SV2C: variants seen among roughly 807,000 people sequenced by gnomAD.
SV2C encodes synaptic vesicle glycoprotein 2C.
In SV2C, 49 loss-of-function variants were observed where a neutral mutation model predicts 79.7. The observed-to-expected ratio is 0.61, with a 90% confidence interval of 0.49 to 0.78. SV2C has a LOEUF of 0.78. SV2C is among the 30% of genes least tolerant of loss of function. The probability of loss-of-function intolerance (pLI) is 0.00; values close to 1 mark genes in which losing one functional copy is unlikely to be tolerated. For synonymous variants in SV2C, 334 were observed against 333.2 expected, an observed-to-expected ratio of 1.00 and a Z score of -0.03; for missense variants, 833 against 912.9, an observed-to-expected ratio of 0.91 and a Z score of 1.13.
the SV2C span, among the ~76,000 whole-genome samples, chr5:75,860,349 T>C: frequency 6.6e-6 from 1 of 152,178 alleles, no homozygotes; most frequent in African/African-American, 2.4e-5. Context: ...GTTTTTGCCA[T>C]TACTTTAAAA....
At chr5:76,056,813 C>T in the SV2C span, among the ~76,000 whole-genome samples, 12 of 151,700 alleles carry the variant, frequency 7.9e-5, no homozygotes, top group African/African-American at 2.9e-4. Flanking sequence ...TTATAATATT[C>T]TCTGATGGAA....
At chr5:75,892,021 T>C in the SV2C span, among the ~76,000 whole-genome samples, 5 of 152,088 alleles carry the variant, frequency 3.3e-5, no homozygotes, top group Non-Finnish European at 7.4e-5. Context: ...CCCAGGTTCC[T>C]AAACTTTGAT....
At chr5:75,986,385 A>C in the SV2C span, among the ~76,000 whole-genome samples, 1 of 151,722 alleles carries the variant, frequency 6.6e-6, no homozygotes, top group Non-Finnish European at 1.5e-5. Flanking sequence ...CTGAGAAGAG[A>C]AAGGGTCTAC....
At chr5:76,041,201 G>A in the SV2C span, among the ~76,000 whole-genome samples, 1 of 152,156 alleles carries the variant, frequency 6.6e-6, no homozygotes, top group Non-Finnish European at 1.5e-5. Flanking sequence ...GCTAACCAAC[G>A]ATAGATAAAA....
the SV2C span, among the ~76,000 whole-genome samples, chr5:75,959,851 CA>C: frequency 6.6e-6 from 1 of 151,970 alleles, no homozygotes; most frequent in Non-Finnish European, 1.5e-5. Context: ...GTCCTATTCA[CA>C]AAGAAATGAG....
the SV2C span, among the ~76,000 whole-genome samples, chr5:75,914,953 G>A: frequency 2.0e-5 from 3 of 152,156 alleles, no homozygotes; most frequent in African/African-American, 7.2e-5. Context: ...AAGGTGAAAG[G>A]CACATCTCAT....
the SV2C span, among the ~76,000 whole-genome samples, chr5:76,012,722 G>T: frequency 6.6e-6 from 1 of 152,110 alleles, no homozygotes; most frequent in Admixed American, 6.6e-5. Flanking sequence ...TTTCTTCGGG[G>T]TTTTTACTGT....
the SV2C span, among the ~76,000 whole-genome samples, chr5:76,035,418 T>C: frequency 6.6e-6 from 1 of 152,170 alleles, no homozygotes; most frequent in Non-Finnish European, 1.5e-5. Flanking sequence ...CACACTGTTT[T>C]GAATGTGTCC....
the SV2C span, among the ~76,000 whole-genome samples, chr5:75,988,223 A>G: frequency 1.3e-5 from 2 of 151,964 alleles, no homozygotes; most frequent in East Asian, 1.9e-4. Context: ...TTTCATGTCA[A>G]TAAATATAAT....
At chr5:75,914,082 G>T in the SV2C span, among the ~76,000 whole-genome samples, 1 of 152,086 alleles carries the variant, frequency 6.6e-6, no homozygotes, top group South Asian at 2.1e-4. Flanking sequence ...GGCTAATCAT[G>T]GCTCTGCATC....
the SV2C span, among the ~76,000 whole-genome samples, chr5:75,984,567 A>ATATATATCTATCTATCTATC: frequency 9.7e-6 from 1 of 102,826 alleles, no homozygotes; most frequent in African/African-American, 2.9e-5. Flanking sequence ...CTATCTATCT[A>ATATATATCTATCTATCTATC]TATCTATCTA....
chr5:75,895,626 T>C, the SV2C span, among the ~76,000 whole-genome samples: 1 of 152,112 alleles, frequency 6.6e-6, no homozygotes, highest in African/African-American at 2.4e-5. Flanking sequence ...AAGGGCATGA[T>C]GGGCTCAGAC....
the SV2C span, among the ~76,000 whole-genome samples, chr5:75,883,158 T>G: frequency 7.2e-6 from 1 of 137,980 alleles, no homozygotes; most frequent in African/African-American, 3.0e-5. Context: ...CTCACACCAG[T>G]TAGAATGGCA....
At chr5:76,312,441 C>T (rs975493917) in intron 12 of SV2C, among the ~76,000 whole-genome samples, 2 of 152,074 alleles carry the variant, frequency 1.3e-5, no homozygotes, top group Admixed American at 6.5e-5. Flanking sequence ...TTAATAGAGA[C>T]GGGGTTTCAC....
At position 76,114,615 on chromosome 5, in the gene SV2C, C is replaced by G. The variant is rs1463204756; in HGVS notation, c.-101-17035C>G. ...GTATGTTAATCACATTGCCCTGATTCCCTCAGAAAAGACAGGCAGACAAGT... is the reference window on the plus strand; with the variant it reads ...GTATGTTAATCACATTGCCCTGATTGCCTCAGAAAAGACAGGCAGACAAGT... On this transcript the variant is annotated intron_variant, in intron 1 of 12. Transcript: ENST00000502798. Among the ~76,000 whole-genome samples, 20 of 152,224 alleles carry G rather than the reference C, an allele frequency of 1.3e-4. 1 individual carries two copies. Among genetic ancestry groups the G allele is most frequent in the Admixed American group, 1.3e-3 (20 of 15,288 alleles).
the SV2C span, among the ~76,000 whole-genome samples, chr5:75,979,884 G>A: frequency 7.5e-4 from 114 of 152,232 alleles, 1 homozygote; most frequent in African/African-American, 2.4e-3. Context: ...AATCAGAGCT[G>A]AACTGAAGGA....
At chr5:75,928,787 C>A in the SV2C span, among the ~76,000 whole-genome samples, 82 of 152,090 alleles carry the variant, frequency 5.4e-4, no homozygotes, top group Admixed American at 3.3e-4. Flanking sequence ...TTCCCAGTCT[C>A]CTCTCTCCAT....
the SV2C span, among the ~76,000 whole-genome samples, chr5:76,003,600 G>A: frequency 8.5e-5 from 13 of 152,114 alleles, no homozygotes; most frequent in African/African-American, 2.9e-4. Flanking sequence ...TTTTCTTTAA[G>A]CAGCATCACC....
the SV2C span, among the ~76,000 whole-genome samples, chr5:76,035,845 G>A: frequency 6.6e-5 from 10 of 152,102 alleles, no homozygotes; most frequent in African/African-American, 2.4e-4. Flanking sequence ...TGACAGTGGG[G>A]TGTTAAAGTC....
Sources: allele counts gnomAD v4.1 joint callset (sites outside exome capture counted in the v4.1 genomes callset), GRCh38; gene constraint gnomAD v4.1.1; transcripts MANE v1.5; gene names NCBI Gene and HGNC (gene_info 2026-07-23, HGNC 2026-07-21).